Variants in SYT16 observed in about 807,000 individuals in gnomAD.
SYT16 encodes the protein synaptotagmin-16.
A neutral mutation model predicts 61.4 loss-of-function variants in SYT16; 42 were observed. The ratio of observed to expected loss-of-function variants is 0.68; its 90% confidence interval spans 0.53 to 0.89. The LOEUF (loss-of-function observed/expected upper bound fraction) is 0.89. SYT16 is among the 40% of genes least tolerant of loss of function. The pLI, the probability that SYT16 is intolerant of heterozygous loss-of-function variation, is 0.00. For missense variants in SYT16, 804 were observed against 807.3 expected, an observed-to-expected ratio of 1.00 and a Z score of 0.05; for synonymous variants, 314 against 302.3, an observed-to-expected ratio of 1.04 and a Z score of -0.40.
intron 1 of SYT16, among the ~76,000 whole-genome samples, chr14:61,877,649 A>ATGGAGTTCC (rs1345073299): frequency 9.9e-5 from 15 of 152,170 alleles, no homozygotes; most frequent in African/African-American, 3.6e-4. Flanking sequence ...ACGCTTAAGC[A>ATGGAGTTCC]TGGAGTTCCT....
intron 1 of SYT16, chr14:61,865,229 C>G (rs2047109131): frequency 1.9e-5 from 19 of 1,009,006 alleles, no homozygotes; most frequent in Non-Finnish European, 2.6e-5. Context: ...GGCACCCCAT[C>G]TGTTGCTGGA....
intron 1 of SYT16, among the ~76,000 whole-genome samples, chr14:61,939,552 A>ATAC (rs2050126937): frequency 6.6e-6 from 1 of 152,182 alleles, no homozygotes; most frequent in East Asian, 1.9e-4. Context: ...TTCTGTCTTC[A>ATAC]TACGATCTTT....
intron 1 of SYT16, among the ~76,000 whole-genome samples, chr14:61,930,308 A>C (rs1001775053): frequency 6.6e-6 from 1 of 151,616 alleles, no homozygotes; most frequent in African/African-American, 2.4e-5. Flanking sequence ...CAGACATCCC[A>C]TGAGCACCTC....
intron 2 of SYT16, among the ~76,000 whole-genome samples, chr14:61,985,863 A>C (rs941378294): frequency 1.3e-5 from 2 of 152,158 alleles, no homozygotes; most frequent in Non-Finnish European, 2.9e-5. Context: ...TGATATGTCT[A>C]TATCATAGTT....
intron 1 of SYT16, among the ~76,000 whole-genome samples, chr14:61,820,184 T>G (rs2045567895): frequency 6.6e-6 from 1 of 152,250 alleles, no homozygotes; most frequent in African/African-American, 2.4e-5. Context: ...TCATGTTTTC[T>G]TCCCCAATGT....
At chr14:61,868,962 G>A (rs967323297) in intron 1 of SYT16, among the ~76,000 whole-genome samples, 39 of 152,108 alleles carry the variant, frequency 2.6e-4, no homozygotes, top group African/African-American at 8.2e-4. Flanking sequence ...GCATTTTGAA[G>A]TTTTTTATTA....
chr14:61,859,326 A>G (rs1263142576), intron 1 of SYT16, among the ~76,000 whole-genome samples: 1 of 152,092 alleles, frequency 6.6e-6, no homozygotes, highest in East Asian at 1.9e-4. Flanking sequence ...GAGCGACAAG[A>G]TGGCGGCCAG....
chr14:62,066,419 G>T (rs1247393900), intron 3 of SYT16, among the ~76,000 whole-genome samples: 2 of 152,238 alleles, frequency 1.3e-5, no homozygotes, highest in South Asian at 4.1e-4. Flanking sequence ...TAAAGGTTTT[G>T]TGTGTCGGGC....
intron 6 of SYT16, among the ~76,000 whole-genome samples, chr14:62,083,607 G>T (rs2056785038): frequency 6.6e-6 from 1 of 152,204 alleles, no homozygotes. Context: ...AGTTGTAAAC[G>T]TGCTCATTTG....
chr14:61,865,068 C>T (rs1594784194), intron 1 of SYT16: 2 of 1,390,766 alleles, frequency 1.4e-6, no homozygotes, highest in Non-Finnish European at 2.0e-6. Context: ...CTCGACTGTG[C>T]AGCTTGCGGG....
intron 3 of SYT16, among the ~76,000 whole-genome samples, chr14:62,008,603 A>T (rs577036221): frequency 2.7e-5 from 4 of 150,104 alleles, no homozygotes; most frequent in East Asian, 3.9e-4. Flanking sequence ...AAATTTGGAA[A>T]TTATGATTCC....
chr14:61,812,570 C>A, upstream of SYT16: 1 of 150,898 alleles, frequency 6.6e-6, no homozygotes, highest in South Asian at 1.9e-4. Flanking sequence ...CTCGGCCGTT[C>A]TGCCCGGGAG....
At chr14:61,891,242 G>GCA (rs34375502) in intron 1 of SYT16, among the ~76,000 whole-genome samples, 50,142 of 147,700 alleles carry the variant, frequency 0.34, 8,408 homozygotes, top group East Asian at 0.43. Context: ...ACACACACGC[G>GCA]CACACACACA....
At chr14:62,002,728 C>T (rs1179475974) in intron 3 of SYT16, among the ~76,000 whole-genome samples, 3 of 152,066 alleles carry the variant, frequency 2.0e-5, no homozygotes, top group Non-Finnish European at 4.4e-5. Flanking sequence ...GTGTCTTTAC[C>T]TGTGGTCTGA....
At chr14:62,069,487 GT>G in intron 3 of SYT16, 115 bp from the exon 4 acceptor site, 1 of 1,035,888 alleles carries the variant, frequency 9.7e-7, no homozygotes, top group Non-Finnish European at 1.4e-6. Context: ...CAGTTTGAGT[GT>G]GCCTTCGTTC....
At chr14:61,998,208 G>T (rs115345501) in intron 3 of SYT16, among the ~76,000 whole-genome samples, 4 of 151,716 alleles carry the variant, frequency 2.6e-5, no homozygotes, top group Non-Finnish European at 5.9e-5. Flanking sequence ...TCCTCTTAAA[G>T]GTATAATTTA....
At chr14:61,848,265 G>A (rs192290317) in intron 1 of SYT16, among the ~76,000 whole-genome samples, 3 of 152,308 alleles carry the variant, frequency 2.0e-5, no homozygotes, top group East Asian at 1.9e-4. Context: ...CACTGAAGCC[G>A]TATCTGCATT....
At chr14:61,976,121 G>A (rs757112637) in intron 2 of SYT16, among the ~76,000 whole-genome samples, 2 of 152,208 alleles carry the variant, frequency 1.3e-5, no homozygotes, top group Non-Finnish European at 2.9e-5. Flanking sequence ...TTAAAGCTCT[G>A]AAATGGTTTC....
intron 1 of SYT16, among the ~76,000 whole-genome samples, chr14:61,889,356 C>G (rs144719808): frequency 6.6e-6 from 1 of 152,160 alleles, no homozygotes; most frequent in Admixed American, 6.5e-5. Flanking sequence ...GACATTTTCC[C>G]TAAACTGACT....
Sources: gnomAD v4.1 joint callset for allele counts (sites outside exome capture counted in the v4.1 genomes callset) on GRCh38, gnomAD v4.1.1 for gene constraint, MANE v1.5 for transcripts, NCBI Gene and HGNC (gene_info 2026-07-23, HGNC 2026-07-21) for gene names.